Variants in BMPR2 observed in about 807,000 individuals in gnomAD.
BMPR2 encodes bone morphogenetic protein receptor type-2.
Under a neutral mutation model 100.8 loss-of-function variants are expected in BMPR2, and 29 were observed. That is an observed-to-expected ratio of 0.29 (90% CI 0.21 to 0.39). BMPR2 has a LOEUF of 0.39. Among genes scored for constraint, BMPR2 ranks in the 10% least tolerant of loss-of-function variants. The pLI, the probability that BMPR2 is intolerant of heterozygous loss-of-function variation, is 1.00. For missense variants in BMPR2, 1,011 were observed against 1,274.5 expected (o/e 0.79, Z 3.15); for synonymous variants, 382 against 442.3 (o/e 0.86, Z 1.71).
chr2:202,455,015 G>C lies in BMPR2; in HGVS notation c.77-9794G>C, dbSNP rs531709024. 2.0e-5 allele frequency among the ~76,000 whole-genome samples: 3 copies of C among 152,226 alleles called. No homozygotes were observed. The East Asian group carries it at 5.8e-4, about 29-fold the overall frequency. On this transcript the variant is annotated intron_variant, in intron 1 of 12. Coordinates refer to ENST00000374580, the MANE Select transcript of BMPR2 (RefSeq NM_001204.7). ...AGAGGAAGCAAGCTCTGCAGTGTCT[G>C]TTCCTATAGGGTACTAATCCTATCT...
rs1188298950 is a variant in BMPR2 at position 202,542,308 on chromosome 2, C to T, written c.1277-3C>T. On this transcript the variant is annotated splice_region_variant and splice_polypyrimidine_tract_variant and intron_variant, in intron 9 of 12. Transcript: ENST00000374580. ...TCTGTCATTCTTTTCTACAAATCCA[C>T]AGGGGAATCCGTACCAGAGTACCAG... is the stretch of plus-strand genomic sequence containing the variant. The T allele has an allele frequency of 1.2e-6, 2 of 1,613,742 alleles. No homozygotes were observed. Among genetic ancestry groups the T allele is most frequent in the Non-Finnish European group, 1.7e-6 (2 of 1,179,796 alleles).
intron 3 of BMPR2, among the ~76,000 whole-genome samples, chr2:202,475,425 A>T (rs1692526447): frequency 6.6e-6 from 1 of 152,208 alleles, no homozygotes; most frequent in Non-Finnish European, 1.5e-5. Context: ...ATAAAAAATT[A>T]AAAAATATAT....
At chr2:202,545,567 T>C (rs1352062103) in intron 10 of BMPR2, among the ~76,000 whole-genome samples, 1 of 152,214 alleles carries the variant, frequency 6.6e-6, no homozygotes, top group African/African-American at 2.4e-5. Flanking sequence ...TTGGTAGGAC[T>C]AAAATAATAT....
At chr2:202,511,058 ACATT>A (rs1408412022) in intron 3 of BMPR2, among the ~76,000 whole-genome samples, 1 of 151,274 alleles carries the variant, frequency 6.6e-6, no homozygotes, top group Non-Finnish European at 1.5e-5. Flanking sequence ...ACCACTCAAC[ACATT>A]CATAGTGTTG....
chr2:202,398,541 T>C (rs1440987630), intron 1 of BMPR2, among the ~76,000 whole-genome samples: 1 of 152,174 alleles, frequency 6.6e-6, no homozygotes, highest in Non-Finnish European at 1.5e-5. Context: ...TTAAAATAAG[T>C]TTGAAGAAAT....
At chr2:202,533,884 A>T (rs1022219489) in intron 9 of BMPR2, among the ~76,000 whole-genome samples, 2 of 152,188 alleles carry the variant, frequency 1.3e-5, no homozygotes, top group Non-Finnish European at 2.9e-5. Context: ...TGAAATAGCC[A>T]AATGAATTTA....
intron 1 of BMPR2, among the ~76,000 whole-genome samples, chr2:202,462,720 T>G (rs182596613): frequency 8.6e-5 from 13 of 151,996 alleles, no homozygotes; most frequent in Admixed American, 4.6e-4. Context: ...TGTTGTTGTT[T>G]TTGTTTTTTG....
chr2:202,427,436 A>G (rs1219061065), intron 1 of BMPR2, among the ~76,000 whole-genome samples: 18 of 151,978 alleles, frequency 1.2e-4, no homozygotes, highest in Non-Finnish European at 2.5e-4. Context: ...TTCTGCAACA[A>G]AATTTTTACA....
In BMPR2 at chr2:202,470,163, G is replaced by A. The variant is rs555484574; in HGVS notation, c.418+2474G>A. ...TCAAGACCATCCTGGCCAACATGGTGAAACCCCATCTCTACTAAAAATACA... is the reference window on the plus strand; with the variant it reads ...TCAAGACCATCCTGGCCAACATGGTAAAACCCCATCTCTACTAAAAATACA... On this transcript the variant is annotated intron_variant, in intron 3 of 12. Coordinates refer to ENST00000374580, the MANE Select transcript of BMPR2 (RefSeq NM_001204.7). Among the ~76,000 whole-genome samples, 3 of 151,988 alleles carry A rather than the reference G, an allele frequency of 2.0e-5. No individual in the cohort carries two copies. In the South Asian group the frequency reaches 6.2e-4, roughly 32 times the overall value.
intron 1 of BMPR2, among the ~76,000 whole-genome samples, chr2:202,420,836 C>G (rs955971026): frequency 4.0e-5 from 6 of 151,822 alleles, no homozygotes; most frequent in African/African-American, 1.5e-4. Flanking sequence ...CATGAGCCAC[C>G]ACGCCCAGCC....
At chr2:202,419,871 A>C (rs72925065) in intron 1 of BMPR2, among the ~76,000 whole-genome samples, 1 of 152,104 alleles carries the variant, frequency 6.6e-6, no homozygotes, top group African/African-American at 2.4e-5. Context: ...CAAGGGGGCC[A>C]GACACAGCGA....
intron 3 of BMPR2, among the ~76,000 whole-genome samples, chr2:202,470,290 C>G (rs1221167415): frequency 1.3e-5 from 2 of 151,850 alleles, no homozygotes; most frequent in African/African-American, 2.4e-5. Context: ...TGCAGTGAGC[C>G]GAGATCATGC....
At chr2:202,473,617 C>A (rs1264657170) in intron 3 of BMPR2, among the ~76,000 whole-genome samples, 1 of 151,866 alleles carries the variant, frequency 6.6e-6, no homozygotes, top group Non-Finnish European at 1.5e-5. Context: ...TGGAAAAACC[C>A]TGTCTCTACT....
chr2:202,548,540 T>C (rs1179303629), intron 10 of BMPR2, among the ~76,000 whole-genome samples: 1 of 152,206 alleles, frequency 6.6e-6, no homozygotes, highest in East Asian at 1.9e-4. Flanking sequence ...CCTAGTGTTT[T>C]CTATTCTAGT....
rs1574417375 is a variant in BMPR2 at position 202,380,551 on chromosome 2, C to T, written c.76+3001C>T. Among the ~76,000 whole-genome samples the T allele has an allele frequency of 2.0e-5, 3 of 152,082 alleles. No individual in the cohort carries two copies. In the East Asian group the frequency reaches 5.8e-4, roughly 29 times the overall value. On this transcript the variant is annotated intron_variant, in intron 1 of 12. Transcript: ENST00000374580. ...ACTGAATGAATCTCTCTGGGAGAAC[C>T]CCCGCAAAGTCTCACTCAAGCAGGT...
At chr2:202,476,418 G>A (rs1692553440) in intron 3 of BMPR2, among the ~76,000 whole-genome samples, 1 of 152,136 alleles carries the variant, frequency 6.6e-6, no homozygotes, top group Non-Finnish European at 1.5e-5. Context: ...TAGAGTCATA[G>A]ATACATGGAA....
intron 10 of BMPR2, among the ~76,000 whole-genome samples, chr2:202,547,153 G>A (rs1340433864): frequency 6.6e-6 from 1 of 152,120 alleles, no homozygotes; most frequent in East Asian, 1.9e-4. Context: ...TTATTTTAAA[G>A]TAGCTTTTTT....
intron 1 of BMPR2, among the ~76,000 whole-genome samples, chr2:202,388,149 C>A (rs1690468362): frequency 6.6e-6 from 1 of 151,952 alleles, no homozygotes; most frequent in African/African-American, 2.4e-5. Context: ...GTAATCCCAG[C>A]ACTTTGGGAG....
At chr2:202,387,119 G>A (rs563063338) in intron 1 of BMPR2, among the ~76,000 whole-genome samples, 2 of 152,274 alleles carry the variant, frequency 1.3e-5, no homozygotes, top group Admixed American at 1.3e-4. Context: ...GACCTCATGT[G>A]CCAGCCTGTC....
Sources: allele counts gnomAD v4.1 joint callset (sites outside exome capture counted in the v4.1 genomes callset), GRCh38; gene constraint gnomAD v4.1.1; transcripts MANE v1.5; gene names NCBI Gene and HGNC (gene_info 2026-07-23, HGNC 2026-07-21).